PTPRD: variants seen among roughly 807,000 people sequenced by gnomAD.
The protein encoded by PTPRD is receptor-type tyrosine-protein phosphatase delta.
A neutral mutation model predicts 214.5 loss-of-function variants in PTPRD; 34 were observed. That is an observed-to-expected ratio of 0.16 (90% confidence interval 0.12 to 0.21). The LOEUF (loss-of-function observed/expected upper bound fraction) is 0.21, where lower values mean the gene tolerates loss of function less well. Among genes scored for constraint, PTPRD ranks in the 10% least tolerant of loss-of-function variants. The pLI, the probability that PTPRD is intolerant of heterozygous loss-of-function variation, is 1.00. For missense variants in PTPRD, 2,545 were observed against 2,398.7 expected (o/e 1.06, Z -1.27); for synonymous variants, 1,128 against 845.7 (o/e 1.33, Z -5.79).
intron 9 of PTPRD, among the ~76,000 whole-genome samples, chr9:9,286,521 C>T (rs1949420266): frequency 6.6e-6 from 1 of 151,728 alleles, no homozygotes; most frequent in African/African-American, 2.4e-5. Flanking sequence ...GTTTTGAACA[C>T]ATTACTTCCT....
intron 39 of PTPRD, 144 bp downstream of exon 39, chr9:8,375,792 G>T: frequency 2.3e-6 from 2 of 878,682 alleles, no homozygotes; most frequent in Non-Finnish European, 1.7e-6. Context: ...ATTGATGTTA[G>T]CATAGGCCTC....
intron 2 of PTPRD, among the ~76,000 whole-genome samples, chr9:10,352,457 A>G (rs1193390970): frequency 6.6e-6 from 1 of 152,042 alleles, no homozygotes; most frequent in African/African-American, 2.4e-5. Flanking sequence ...AACATGATTT[A>G]TTGCTATTCA....
chr9:9,628,591 G>T (rs1274913141), intron 7 of PTPRD, among the ~76,000 whole-genome samples: 1 of 151,956 alleles, frequency 6.6e-6, no homozygotes, highest in Non-Finnish European at 1.5e-5. Context: ...AGATATTTCA[G>T]ATTAAAAAAC....
intron 11 of PTPRD, among the ~76,000 whole-genome samples, chr9:8,743,174 G>C (rs1317759761): frequency 6.6e-6 from 1 of 151,826 alleles, no homozygotes; most frequent in Non-Finnish European, 1.5e-5. Context: ...ACCAATTTTA[G>C]GTGTTTTCAT....
intron 14 of PTPRD, among the ~76,000 whole-genome samples, chr9:8,552,578 G>C (rs1283373005): frequency 1.3e-5 from 2 of 152,084 alleles, no homozygotes; most frequent in South Asian, 4.1e-4. Flanking sequence ...GATGAACGGA[G>C]GCCAAGCAAA....
At chr9:9,023,254 A>C (rs987045595) in intron 10 of PTPRD, among the ~76,000 whole-genome samples, 1 of 152,178 alleles carries the variant, frequency 6.6e-6, no homozygotes, top group Non-Finnish European at 1.5e-5. Context: ...TATTCAGTGA[A>C]CTGAATTTGT....
chr9:9,247,081 A>G (rs1470292113), intron 9 of PTPRD, among the ~76,000 whole-genome samples: 1 of 152,008 alleles, frequency 6.6e-6, no homozygotes, highest in African/African-American at 2.4e-5. Context: ...AGCAAACCGT[A>G]AAGTCTAAAA....
At chr9:8,776,360 T>C (rs2095473882) in intron 11 of PTPRD, among the ~76,000 whole-genome samples, 1 of 152,162 alleles carries the variant, frequency 6.6e-6, no homozygotes, top group Admixed American at 6.5e-5. Flanking sequence ...TGGAGTGCAA[T>C]GGTGCAATCT....
At chr9:10,407,267 A>G (rs1195030632) in intron 2 of PTPRD, among the ~76,000 whole-genome samples, 1 of 151,580 alleles carries the variant, frequency 6.6e-6, no homozygotes, top group Non-Finnish European at 1.5e-5. Context: ...TAGGCTATGG[A>G]TTTAAAATGA....
chr9:9,165,010 C>G (rs892914689), intron 10 of PTPRD, among the ~76,000 whole-genome samples: 4 of 150,064 alleles, frequency 2.7e-5, no homozygotes, highest in African/African-American at 7.4e-5. Flanking sequence ...TGAGATCATG[C>G]CACTGCACTC....
chr9:9,487,816 G>T (rs760492436), intron 8 of PTPRD, among the ~76,000 whole-genome samples: 2 of 151,962 alleles, frequency 1.3e-5, no homozygotes, highest in Admixed American at 1.3e-4. Context: ...AGTTTTGAGG[G>T]TCAAAACTAA....
chr9:9,541,049 T>C (rs2077488264), intron 8 of PTPRD, among the ~76,000 whole-genome samples: 1 of 151,730 alleles, frequency 6.6e-6, no homozygotes, highest in African/African-American at 2.4e-5. Context: ...AGCAACTATA[T>C]CTGTAGTTAC....
intron 3 of PTPRD, among the ~76,000 whole-genome samples, chr9:10,336,120 C>T (rs1435492831): frequency 1.3e-5 from 2 of 151,748 alleles, no homozygotes; most frequent in East Asian, 3.9e-4. Flanking sequence ...AACTTATGTT[C>T]ACACAGAAAA....
chr9:10,351,033 T>C lies in PTPRD; in HGVS notation c.-599-10016A>G, dbSNP rs186516684. On this transcript the variant is annotated intron_variant, in intron 2 of 45. Transcript: ENST00000381196. Reference sequence around the variant, plus strand: ...AAGGTCAGTTTTAGGGAGATGGCATTTGAGCTAAGATACACAAAAGGAGGT... The same window carrying C: ...AAGGTCAGTTTTAGGGAGATGGCATCTGAGCTAAGATACACAAAAGGAGGT... 1.1e-4 allele frequency among the ~76,000 whole-genome samples: 17 copies of C among 152,160 alleles called. No homozygotes were observed. The East Asian group carries it at 3.3e-3, about 29-fold the overall frequency.
chr9:9,148,521 G>A (rs2099872471), intron 10 of PTPRD, among the ~76,000 whole-genome samples: 1 of 152,084 alleles, frequency 6.6e-6, no homozygotes, highest in African/African-American at 2.4e-5. Context: ...TGAACACCAA[G>A]TACTCACCCC....
intron 7 of PTPRD, among the ~76,000 whole-genome samples, chr9:9,577,736 T>C (rs911184096): frequency 1.3e-5 from 2 of 151,968 alleles, no homozygotes; most frequent in Non-Finnish European, 1.5e-5. Flanking sequence ...TTATTTCACA[T>C]AAAATTCTAG....
chr9:10,606,418 G>A (rs2079375563), intron 2 of PTPRD, among the ~76,000 whole-genome samples: 1 of 151,784 alleles, frequency 6.6e-6, no homozygotes, highest in Non-Finnish European at 1.5e-5. Flanking sequence ...AAAATCCCAA[G>A]GATGCTAGCT....
chr9:10,263,797 G>C (rs1261325853), intron 3 of PTPRD, among the ~76,000 whole-genome samples: 2 of 152,132 alleles, frequency 1.3e-5, no homozygotes, highest in East Asian at 1.9e-4. Flanking sequence ...AACGTCCCTA[G>C]GGCATGTCAG....
chr9:9,904,385 A>T (rs1184976191), intron 5 of PTPRD, among the ~76,000 whole-genome samples: 1 of 149,358 alleles, frequency 6.7e-6, no homozygotes, highest in Non-Finnish European at 1.5e-5. Flanking sequence ...GGGGAAAAGG[A>T]CTACCTCTTC....
Sources: allele counts gnomAD v4.1 joint callset (sites outside exome capture counted in the v4.1 genomes callset), GRCh38; gene constraint gnomAD v4.1.1; transcripts MANE v1.5; gene names NCBI Gene and HGNC (gene_info 2026-07-23, HGNC 2026-07-21).